The following ART3 variants were observed in gnomAD, a reference collection of about 807,000 sequenced individuals.
ART3 encodes the protein ADP-ribosyltransferase 3 (inactive).
Under a neutral mutation model 48.5 loss-of-function variants are expected in ART3, and 49 were observed. The ratio of observed to expected loss-of-function variants is 1.01; its 90% confidence interval spans 0.80 to 1.28. The LOEUF is 1.28. Among genes scored for constraint, ART3 ranks in the 50% most tolerant of loss-of-function variants. ART3 has a pLI of 0.00. For synonymous variants in ART3, 145 were observed against 157.2 expected (o/e 0.92, Z 0.58); for missense variants, 438 against 454.3 (o/e 0.96, Z 0.33).
chr4:76,084,927 G>T (rs1376042887), intron 3 of ART3, among the ~76,000 whole-genome samples: 3 of 152,182 alleles, frequency 2.0e-5, no homozygotes, highest in African/African-American at 7.2e-5. Context: ...TACCAATCCT[G>T]CATAGGTTCA....
chr4:76,040,553 A>G (rs1391224370), intron 1 of ART3, among the ~76,000 whole-genome samples: 1 of 127,926 alleles, frequency 7.8e-6, no homozygotes, highest in Non-Finnish European at 1.6e-5. Flanking sequence ...CAGGGACTAT[A>G]TAGATACTTC....
chr4:76,062,559 C>CTTTTTTTTTTT (rs34383642), intron 1 of ART3, among the ~76,000 whole-genome samples: 1 of 113,096 alleles, frequency 8.8e-6, no homozygotes, highest in Non-Finnish European at 1.7e-5. Flanking sequence ...AAAAATAAAT[C>CTTTTTTTTTTT]TTTTTTTTTT....
At chr4:76,065,312 T>C (rs1719622047) in intron 1 of ART3, among the ~76,000 whole-genome samples, 1 of 152,186 alleles carries the variant, frequency 6.6e-6, no homozygotes, top group African/African-American at 2.4e-5. Flanking sequence ...GGAATTTTTA[T>C]TATACAATAA....
chr4:76,101,135 T>TGG (rs1727219438), intron 8 of ART3, 116 bp downstream of exon 8: 3 of 1,237,468 alleles, frequency 2.4e-6, no homozygotes, highest in Non-Finnish European at 3.5e-6. Context: ...GAGCTCACCT[T>TGG]AGCTTACTGG....
At chr4:76,106,429 C>A in intron 10 of ART3, 1 of 930,216 alleles carries the variant, frequency 1.1e-6, no homozygotes, top group Non-Finnish European at 1.3e-6. Context: ...ACTTGAGAGG[C>A]GCCTTCTGGC....
At chr4:76,026,910 A>G (rs899920155) in intron 1 of ART3, among the ~76,000 whole-genome samples, 1 of 152,360 alleles carries the variant, frequency 6.6e-6, no homozygotes, top group Non-Finnish European at 1.5e-5. Context: ...ATGGGTTTAC[A>G]TTCTAATTGG....
At position 76,081,891 on chromosome 4, in the gene ART3, G is replaced by A. The variant is rs1026425520; in HGVS notation, c.137G>A (p.Arg46Lys). Residue 46 changes from arginine to lysine, a missense_variant, in exon 3 of 12, where the codon AGG (arginine) becomes AAG (lysine). Around this residue, in one of 3 missense-constraint regions of ART3, gnomAD observed 206 missense variants for 205.3 expected, o/e 1.00. Coordinates refer to ENST00000355810, the MANE Select transcript of ART3 (RefSeq NM_001130016.3). ...GATGAATACCTGAAATGTACGGACAGGATGGAAATTAAATACGTTCCCCAA... is the reference window on the plus strand; with the variant it reads ...GATGAATACCTGAAATGTACGGACAAGATGGAAATTAAATACGTTCCCCAA... ...FDDEYLKCTD[R>K]MEIKYVPQLL... The A allele has an allele frequency of 4.8e-5, 77 of 1,614,056 alleles. No individual in the cohort carries two copies. The highest frequency in any genetic ancestry group is 5.8e-5 in the Non-Finnish European group (69 of 1,180,034).
rs369690305 is a variant in ART3 at position 76,101,098 on chromosome 4, C to A, written c.937+79C>A. ...TACATGTGGGAACAGGGAAGAATGT[C>A]GTGGTAAGAAAAGTGGGAGGAAGGC... On this transcript the variant is annotated intron_variant, in intron 8 of 11. Coordinates refer to ENST00000355810, the MANE Select transcript of ART3 (RefSeq NM_001130016.3). The A allele has an allele frequency of 1.9e-5, 30 of 1,553,332 alleles. No individual in the cohort carries two copies. The Admixed American group carries it at 5.1e-4, about 26-fold the overall frequency.
chr4:76,034,746 A>C (rs1303569356), intron 1 of ART3: 1 of 1,371,442 alleles, frequency 7.3e-7, no homozygotes, highest in Non-Finnish European at 1.0e-6. Context: ...AACTTGTTCT[A>C]GGTTTTTCAG....
chr4:76,103,676 G>A (rs1727831737), intron 8 of ART3, among the ~76,000 whole-genome samples: 1 of 152,100 alleles, frequency 6.6e-6, no homozygotes, highest in African/African-American at 2.4e-5. Context: ...CTGATATATT[G>A]GGACTGCCTT....
intron 1 of ART3, among the ~76,000 whole-genome samples, chr4:76,057,013 A>G (rs1718756932): frequency 6.6e-6 from 1 of 152,156 alleles, no homozygotes; most frequent in African/African-American, 2.4e-5. Context: ...GACACTTTTG[A>G]AGAGTATTGA....
At chr4:76,060,265 A>T (rs1719082458) in intron 1 of ART3, among the ~76,000 whole-genome samples, 4 of 152,176 alleles carry the variant, frequency 2.6e-5, no homozygotes, top group Admixed American at 2.0e-4. Context: ...TAAGTTACTG[A>T]TTAAGTTACT....
At chr4:76,089,630 G>C (rs1724393829) in intron 3 of ART3, among the ~76,000 whole-genome samples, 1 of 152,108 alleles carries the variant, frequency 6.6e-6, no homozygotes, top group South Asian at 2.1e-4. Flanking sequence ...CCCAGTCTCA[G>C]ATATTTCTTT....
At chr4:76,015,341 G>C (rs751301696) in intron 1 of ART3, among the ~76,000 whole-genome samples, 1 of 152,108 alleles carries the variant, frequency 6.6e-6, no homozygotes, top group East Asian at 1.9e-4. Flanking sequence ...AACTAAGGTG[G>C]TATTCAAACT....
chr4:76,080,962 A>G (rs908888202), intron 2 of ART3, among the ~76,000 whole-genome samples: 3 of 152,178 alleles, frequency 2.0e-5, no homozygotes, highest in African/African-American at 7.2e-5. Context: ...TTCTTATGTT[A>G]TGTGAACATA....
intron 1 of ART3, among the ~76,000 whole-genome samples, chr4:76,041,832 G>T (rs1735002469): frequency 6.6e-6 from 1 of 152,160 alleles, no homozygotes; most frequent in African/African-American, 2.4e-5. Context: ...AGCTGAGGTT[G>T]GAGAGGCAGA....
chr4:76,029,303 T>C (rs1054332209), intron 1 of ART3, among the ~76,000 whole-genome samples: 2 of 152,220 alleles, frequency 1.3e-5, no homozygotes, highest in South Asian at 2.1e-4. Flanking sequence ...GGATTTATTA[T>C]ATAGAGTCTA....
intron 3 of ART3, among the ~76,000 whole-genome samples, chr4:76,091,087 GTTTA>G (rs1302441662): frequency 1.3e-5 from 2 of 152,184 alleles, no homozygotes; most frequent in Non-Finnish European, 2.9e-5. Flanking sequence ...TGTATCAATA[GTTTA>G]TTTATGCTGT....
chr4:76,082,181 A>T lies in ART3; in HGVS notation c.427A>T (p.Thr143Ser), dbSNP rs1722633802. The T allele has an allele frequency of 6.2e-7, 1 of 1,613,984 alleles. No homozygotes were observed. Among genetic ancestry groups the T allele is most frequent in the Non-Finnish European group, 8.5e-7 (1 of 1,179,958 alleles). ...GTTCAAAGCTTTCCACTTTTACCTCACAAGAGCCCTGCAGTTGCTGAGAAA... is the reference window on the plus strand; with the variant it reads ...GTTCAAAGCTTTCCACTTTTACCTCTCAAGAGCCCTGCAGTTGCTGAGAAA... ...FQFKAFHFYL[T>S]RALQLLRKPC... is the part of the protein sequence containing the mutation. The change falls in exon 3 of 12, where the codon ACA (threonine) becomes TCA (serine). Residue 143 changes from threonine to serine, a missense_variant. This residue lies in a region of ART3 where 206 missense variants were observed against 205.3 expected (regional missense o/e 1.00). Transcript: ENST00000355810.
Sources: allele counts gnomAD v4.1 joint callset (sites outside exome capture counted in the v4.1 genomes callset), GRCh38; gene constraint gnomAD v4.1.1; regional missense constraint gnomAD v4.1.1; transcripts MANE v1.5; gene names NCBI Gene and HGNC (gene_info 2026-07-23, HGNC 2026-07-21).